L3MBTL4: variants seen among roughly 807,000 people sequenced by gnomAD.
L3MBTL4 encodes L3MBTL histone methyl-lysine binding protein 4, also known as lethal(3)malignant brain tumor-like protein 4.
L3MBTL4 carries 70 observed loss-of-function variants against 84.5 expected under a neutral mutation model. The observed-to-expected ratio is 0.83, with a 90% CI of 0.68 to 1.01. The LOEUF (loss-of-function observed/expected upper bound fraction) is 1.01, where lower values mean the gene tolerates loss of function less well. L3MBTL4 is among the 50% of genes least tolerant of loss of function. The pLI is 0.00. For synonymous variants in L3MBTL4, 274 were observed against 259.8 expected, an observed-to-expected ratio of 1.05 and a Z score of -0.52; for missense variants, 715 against 754.8, an observed-to-expected ratio of 0.95 and a Z score of 0.62.
At chr18:6,238,144 G>A (rs1308587123) in intron 9 of L3MBTL4, 104 bp from the exon 10 acceptor site, 1 of 987,022 alleles carries the variant, frequency 1.0e-6, no homozygotes, top group Non-Finnish European at 1.6e-6. Flanking sequence ...ACAGAAAACA[G>A]TACTTCATAG....
At chr18:6,005,018 T>TTTTTTTTTTTTTTTTTC in intron 16 of L3MBTL4, among the ~76,000 whole-genome samples, 1 of 138,622 alleles carries the variant, frequency 7.2e-6, no homozygotes, top group Admixed American at 7.4e-5. Context: ...TTTTTTTTTT[T>TTTTTTTTTTTTTTTTTC]TTTTTTTTTA....
chr18:6,280,863 A>G (rs2049292211), intron 4 of L3MBTL4, among the ~76,000 whole-genome samples: 1 of 152,126 alleles, frequency 6.6e-6, no homozygotes, highest in African/African-American at 2.4e-5. Flanking sequence ...AGGAATGCAA[A>G]AGCTGGAAAA....
intron 1 of L3MBTL4, among the ~76,000 whole-genome samples, chr18:6,316,969 T>G (rs1348307370): frequency 1.3e-5 from 2 of 151,818 alleles, no homozygotes; most frequent in Non-Finnish European, 2.9e-5. Context: ...GCTTTAACTA[T>G]TCAACCCAGT....
intron 13 of L3MBTL4, among the ~76,000 whole-genome samples, chr18:6,157,182 T>C (rs1047779387): frequency 6.6e-6 from 1 of 152,238 alleles, no homozygotes; most frequent in Admixed American, 6.5e-5. Context: ...ATTAAGTCAA[T>C]GAGTACTTAG....
chr18:6,126,038 G>A (rs1283705813), intron 14 of L3MBTL4, among the ~76,000 whole-genome samples: 1 of 152,010 alleles, frequency 6.6e-6, no homozygotes, highest in Non-Finnish European at 1.5e-5. Context: ...CAACATGGGA[G>A]ACTATTTTAT....
At chr18:6,323,822 G>A (rs752596110) in intron 1 of L3MBTL4, among the ~76,000 whole-genome samples, 2 of 152,226 alleles carry the variant, frequency 1.3e-5, no homozygotes, top group African/African-American at 4.8e-5. Flanking sequence ...AATTCAAGCA[G>A]GCTACAGAAA....
At chr18:6,352,254 A>C (rs188132026) in intron 1 of L3MBTL4, among the ~76,000 whole-genome samples, 27 of 152,306 alleles carry the variant, frequency 1.8e-4, no homozygotes, top group Admixed American at 2.6e-4. Context: ...ATTTCACCTC[A>C]AAGTAATTAC....
chr18:6,186,456 C>T (rs935357994), intron 12 of L3MBTL4, among the ~76,000 whole-genome samples: 2 of 152,008 alleles, frequency 1.3e-5, no homozygotes, highest in East Asian at 1.9e-4. Flanking sequence ...AAGGCCCTGC[C>T]GAGAGACTGA....
chr18:6,084,597 CT>C (rs2058196674), intron 15 of L3MBTL4, among the ~76,000 whole-genome samples: 2 of 152,208 alleles, frequency 1.3e-5, no homozygotes, highest in Non-Finnish European at 2.9e-5. Flanking sequence ...ATCAACATTT[CT>C]CTGAGATTTT....
At chr18:5,961,421 G>A (rs2095262836) in intron 17 of L3MBTL4, among the ~76,000 whole-genome samples, 1 of 152,214 alleles carries the variant, frequency 6.6e-6, no homozygotes, top group Non-Finnish European at 1.5e-5. Context: ...GTCCCCTGTG[G>A]TCTCACAGCT....
intron 16 of L3MBTL4, among the ~76,000 whole-genome samples, chr18:6,015,132 T>C (rs138823834): frequency 0.014 from 2,065 of 151,992 alleles, 24 homozygotes; most frequent in South Asian, 0.028. Context: ...AGGATAGAGA[T>C]GAGGGCTGAA....
At chr18:6,269,991 C>T (rs917618079) in intron 4 of L3MBTL4, among the ~76,000 whole-genome samples, 1 of 152,152 alleles carries the variant, frequency 6.6e-6, no homozygotes, top group African/African-American at 2.4e-5. Context: ...ATTCCATTAG[C>T]CATAAACACA....
intron 14 of L3MBTL4, among the ~76,000 whole-genome samples, chr18:6,125,936 C>T (rs914844756): frequency 1.3e-5 from 2 of 152,094 alleles, no homozygotes; most frequent in Admixed American, 6.5e-5. Flanking sequence ...ACATAGAATC[C>T]AGACCAAAGA....
chr18:6,180,784 T>C (rs150196087), intron 12 of L3MBTL4, among the ~76,000 whole-genome samples: 2 of 152,228 alleles, frequency 1.3e-5, no homozygotes, highest in Non-Finnish European at 2.9e-5. Context: ...TCTGTATTTT[T>C]TAACCACAAA....
intron 12 of L3MBTL4, among the ~76,000 whole-genome samples, chr18:6,175,515 G>C (rs1009218253): frequency 6.6e-6 from 1 of 152,072 alleles, no homozygotes; most frequent in South Asian, 2.1e-4. Flanking sequence ...GCAAATATGC[G>C]GGGAAATATG....
intron 10 of L3MBTL4, among the ~76,000 whole-genome samples, chr18:6,222,178 C>A (rs879645616): frequency 6.6e-6 from 1 of 152,170 alleles, no homozygotes; most frequent in East Asian, 1.9e-4. Context: ...GTTAAAATAT[C>A]TTTCTGGCAA....
At chr18:6,118,785 G>T (rs2059435386) in intron 14 of L3MBTL4, among the ~76,000 whole-genome samples, 1 of 152,036 alleles carries the variant, frequency 6.6e-6, no homozygotes, top group Non-Finnish European at 1.5e-5. Context: ...ACATGACCTT[G>T]TTTTAAAATA....
intron 12 of L3MBTL4, among the ~76,000 whole-genome samples, chr18:6,208,670 A>G (rs1446849463): frequency 1.3e-5 from 2 of 152,218 alleles, no homozygotes; most frequent in East Asian, 1.9e-4. Flanking sequence ...CTGTAATTTA[A>G]TGTGCATTTT....
At chr18:6,183,464 C>T (rs1161038160) in intron 12 of L3MBTL4, among the ~76,000 whole-genome samples, 1 of 152,232 alleles carries the variant, frequency 6.6e-6, no homozygotes, top group Non-Finnish European at 1.5e-5. Context: ...CCTCTACCCT[C>T]TGTCTTCTCT....
Sources: allele counts gnomAD v4.1 joint callset (sites outside exome capture counted in the v4.1 genomes callset), GRCh38; gene constraint gnomAD v4.1.1; transcripts MANE v1.5; gene names NCBI Gene and HGNC (gene_info 2026-07-23, HGNC 2026-07-21).